COG7: variants seen among roughly 807,000 people sequenced by gnomAD.
COG7 encodes conserved oligomeric Golgi complex subunit 7.
A neutral mutation model predicts 91.5 loss-of-function variants in COG7; 49 were observed. The observed-to-expected ratio is 0.54, with a 90% confidence interval of 0.43 to 0.68. The LOEUF (loss-of-function observed/expected upper bound fraction) is 0.68, where lower values mean the gene tolerates loss of function less well. Ranked by LOEUF, COG7 falls within the 30% of genes least tolerant of loss-of-function variation. The pLI is 0.00. For missense variants in COG7, 895 were observed against 961.3 expected (o/e 0.93, Z 0.91); for synonymous variants, 365 against 388.7 (o/e 0.94, Z 0.72).
At chr16:23,434,479 A>C (rs1009993219) in intron 5 of COG7, among the ~76,000 whole-genome samples, 157 bp downstream of exon 5, 4 of 152,260 alleles carry the variant, frequency 2.6e-5, no homozygotes, top group African/African-American at 7.2e-5. Flanking sequence ...TCCATATGCT[A>C]GACCAAGAGC....
At chr16:23,448,351 C>T (rs559782647) in intron 1 of COG7, among the ~76,000 whole-genome samples, 1 of 152,238 alleles carries the variant, frequency 6.6e-6, no homozygotes, top group Non-Finnish European at 1.5e-5. Context: ...CTCACTCTGT[C>T]CCCCACATTG....
Position 23,393,241 on chromosome 16 carries a change from G to C in COG7, c.1994C>G (p.Pro665Arg). 3.1e-6 allele frequency: 5 copies of C among 1,613,086 alleles called. No individual in the cohort carries two copies. Among genetic ancestry groups the C allele is most frequent in the Non-Finnish European group, 4.2e-6 (5 of 1,179,220 alleles). ...AAACGGTCCCCGCTTACCCTGCTCA[G>C]GAGGAAATGGCAGCTTTCCAGCGTG... Reference protein sequence around the residue: ...ALHAGKLPFPPEQGDELPELD... With the variant: ...ALHAGKLPFPREQGDELPELD... Residue 665 changes from proline to arginine, a missense_variant, in exon 15 of 17, where the codon CCT becomes CGT. Transcript: ENST00000307149.
intron 14 of COG7, among the ~76,000 whole-genome samples, chr16:23,393,759 A>T (rs923937770): frequency 6.6e-6 from 1 of 152,114 alleles, no homozygotes; most frequent in Non-Finnish European, 1.5e-5. Flanking sequence ...CTGTCTTCTG[A>T]GGCCAGGCAC....
At chr16:23,433,379 C>A (rs575006106) in intron 6 of COG7, among the ~76,000 whole-genome samples, 166 bp downstream of exon 6, 11 of 152,158 alleles carry the variant, frequency 7.2e-5, no homozygotes, top group African/African-American at 2.7e-4. Context: ...GTGTGAGCCA[C>A]CGCACCCGGC....
At chr16:23,444,913 AG>A in intron 3 of COG7, 134 bp downstream of exon 3, 1 of 779,888 alleles carries the variant, frequency 1.3e-6, no homozygotes, top group Non-Finnish European at 2.3e-6. Context: ...GAGCAGCTTC[AG>A]ATCTTCCCCA....
chr16:23,434,499 T>C (rs1963983563), intron 5 of COG7, 137 bp downstream of exon 5: 1 of 722,000 alleles, frequency 1.4e-6, no homozygotes, highest in Non-Finnish European at 2.5e-6. Flanking sequence ...CACCCCCTAC[T>C]GGCTAACTAA....
At chr16:23,417,230 T>C (rs756311604) in intron 8 of COG7, 109 bp from the exon 9 acceptor site, 20 of 1,178,980 alleles carry the variant, frequency 1.7e-5, no homozygotes, top group African/African-American at 3.0e-5. Context: ...TTAATAACGA[T>C]GTCAGAAATA....
chr16:23,406,989 T>C (rs1192382613), intron 11 of COG7, among the ~76,000 whole-genome samples: 1 of 152,218 alleles, frequency 6.6e-6, no homozygotes, highest in East Asian at 1.9e-4. Context: ...CATCTAAATA[T>C]GTACAGAATT....
At chr16:23,447,302 C>T (rs1371358150) in intron 1 of COG7, 1 of 152,094 alleles carries the variant, frequency 6.6e-6, no homozygotes, top group Non-Finnish European at 1.5e-5. Flanking sequence ...ACCTCTGCCT[C>T]CTAGGTTCAA....
intron 1 of COG7, 130 bp from the exon 2 acceptor site, chr16:23,446,091 G>A (rs1462424376): frequency 4.5e-6 from 5 of 1,101,944 alleles, no homozygotes; most frequent in East Asian, 2.6e-5. Context: ...CCAACCAAAC[G>A]GTTTTTGGAG....
Position 23,403,807 on chromosome 16 carries a change from G to C in COG7, c.1690C>G (p.Leu564Val), listed in dbSNP as rs1963416729. ...KEKGSSNHNL[L>V]AAPRAALTRL... ...GTCAGCGCTGCTCGAGGTGCAGCCA[G>C]CAGGTTGTGGTTGCTTGACCCTTTT... Residue 564 changes from leucine (L) to valine (V), a missense_variant, in exon 13 of 17, where the codon CTG becomes GTG. By Grantham distance (32) the Leu-to-Val change is conservative (BLOSUM62 1). Transcript: ENST00000307149. The C allele has an allele frequency of 6.2e-7, 1 of 1,614,138 alleles. No individual in the cohort carries two copies. Among genetic ancestry groups the C allele is most frequent in the African/African-American group, 1.3e-5 (1 of 74,948 alleles).
intron 7 of COG7, among the ~76,000 whole-genome samples, chr16:23,423,212 C>A (rs548697526): frequency 1.3e-5 from 2 of 151,092 alleles, no homozygotes; most frequent in Non-Finnish European, 2.9e-5. Flanking sequence ...CTAAAAAATA[C>A]AAAAATTAGC....
chr16:23,388,806 A>C lies in COG7; in HGVS notation c.*114T>G. ...TGAGCCACCGTGACCAGCTGAACCA[A>C]GTCTTTTTAAAGTAACTTCTGCCCA... On this transcript the variant is annotated 3_prime_UTR_variant, in exon 17 of 17. Transcript: ENST00000307149. 6.4e-7 allele frequency: 1 copy of C among 1,566,494 alleles called. No homozygotes were observed. The highest frequency in any genetic ancestry group is 1.2e-5 in the South Asian group (1 of 86,388).
In COG7 at chr16:23,391,919, G is replaced by T. The variant is rs1963203717; in HGVS notation, c.2146+461C>A. ...ATGGCCTTGTTATGGAACTGCCCTGGGCCTCCGTTCCCTATCGGTATGATG... is the reference window on the plus strand; with the variant it reads ...ATGGCCTTGTTATGGAACTGCCCTGTGCCTCCGTTCCCTATCGGTATGATG... On this transcript the variant is annotated intron_variant, in intron 16 of 16. Coordinates refer to ENST00000307149, the MANE Select transcript of COG7 (RefSeq NM_153603.4). 4 of 893,714 alleles carry T rather than the reference G, an allele frequency of 4.5e-6. No individual in the cohort carries two copies. In the South Asian group the frequency reaches 8.6e-5, roughly 19 times the overall value. The allele number at this position is 893,714 out of a possible 1,614,324, so 55.4% of individuals were successfully genotyped here.
intron 6 of COG7, among the ~76,000 whole-genome samples, chr16:23,427,486 A>AC (rs1234330053): frequency 6.6e-6 from 1 of 152,022 alleles, no homozygotes; most frequent in African/African-American, 2.4e-5. Flanking sequence ...AAGAAAAAAA[A>AC]AAAACAAAAA....
chr16:23,429,880 G>GA (rs1963907078), intron 6 of COG7, among the ~76,000 whole-genome samples: 1 of 152,178 alleles, frequency 6.6e-6, no homozygotes, highest in African/African-American at 2.4e-5. Context: ...CACGCTGAGT[G>GA]AAAGAAGCCT....
intron 7 of COG7, among the ~76,000 whole-genome samples, chr16:23,423,490 C>T (rs1353292509): frequency 1.3e-5 from 2 of 152,190 alleles, no homozygotes; most frequent in Non-Finnish European, 2.9e-5. Context: ...TGCAGCAACT[C>T]GCCTTAGCCC....
chr16:23,430,698 C>T (rs1452694085), intron 6 of COG7, among the ~76,000 whole-genome samples: 3 of 151,836 alleles, frequency 2.0e-5, no homozygotes, highest in African/African-American at 4.8e-5. Flanking sequence ...CCTGCCACCA[C>T]GGCTAGCTAA....
Position 23,453,158 on chromosome 16 carries a change from G to A in COG7, c.-164C>T, listed in dbSNP as rs1964295468. ...TTGCCCCTTTGCGCTTCCCCGCTCAGCGCACTCAGTTTGCGGCTGGGAATG... is the reference window on the plus strand; with the variant it reads ...TTGCCCCTTTGCGCTTCCCCGCTCAACGCACTCAGTTTGCGGCTGGGAATG... On this transcript the variant is annotated 5_prime_UTR_variant, in exon 1 of 17. Transcript: ENST00000307149. The A allele has an allele frequency of 7.0e-7, 1 of 1,418,832 alleles. No homozygotes were observed. The highest frequency in any genetic ancestry group is 2.6e-4 in the Middle Eastern group (1 of 3,862). 87.9% of individuals were successfully genotyped at this position (1,418,832 alleles called of 1,614,324 possible).
Sources: gnomAD v4.1 joint callset for allele counts (sites outside exome capture counted in the v4.1 genomes callset) on GRCh38, gnomAD v4.1.1 for gene constraint, MANE v1.5 for transcripts, NCBI Gene and HGNC (gene_info 2026-07-23, HGNC 2026-07-21) for gene names.